MEI1: variants seen among roughly 807,000 people sequenced by gnomAD.
The protein encoded by MEI1 is meiosis inhibitor protein 1.
MEI1 carries 103 observed loss-of-function variants against 146.2 expected under a neutral mutation model. The ratio of observed to expected loss-of-function variants is 0.70; its 90% CI spans 0.60 to 0.83. MEI1 has a LOEUF of 0.83. Ranked by LOEUF, MEI1 falls within the 40% of genes least tolerant of loss-of-function variation. The pLI is 0.00. For synonymous variants in MEI1, 652 were observed against 628.2 expected, an observed-to-expected ratio of 1.04 and a Z score of -0.57; for missense variants, 1,529 against 1,533.0, an observed-to-expected ratio of 1.00 and a Z score of 0.04.
chr22:41,795,552 A>T lies in MEI1; in HGVS notation c.3666+10A>T, dbSNP rs750512590. ...TGGCTTCTTCCAGCAGGTGGGTGGG[A>T]AGGGGAGGCCATGCAGCCACTGTAA... On this transcript the variant is annotated intron_variant, in intron 29 of 30. Coordinates refer to ENST00000401548, the MANE Select transcript of MEI1 (RefSeq NM_152513.4). The surrounding 1 kb of genome is among the most constrained non-coding windows in gnomAD (Gnocchi z 4.2). 1 of 1,613,696 alleles carries T rather than the reference A, an allele frequency of 6.2e-7. No homozygotes were observed. Among genetic ancestry groups the T allele is most frequent in the East Asian group, 2.2e-5 (1 of 44,850 alleles).
At chr22:41,771,276 C>T (rs1443664967) in intron 20 of MEI1, among the ~76,000 whole-genome samples, 1 of 152,338 alleles carries the variant, frequency 6.6e-6, no homozygotes, top group African/African-American at 2.4e-5. Context: ...ATCTCTCAAG[C>T]AGATTCTGCT....
chr22:41,751,789 A>AG (rs1399449611), intron 15 of MEI1, among the ~76,000 whole-genome samples: 1 of 141,948 alleles, frequency 7.0e-6, no homozygotes, highest in South Asian at 2.2e-4. Flanking sequence ...AAAAAAAAAA[A>AG]GGCCAGGCGC....
At position 41,748,150 on chromosome 22, in the gene MEI1, T is replaced by C. The variant is rs2073472783; in HGVS notation, c.1724T>C (p.Phe575Ser). The C allele has an allele frequency of 1.9e-6, 3 of 1,613,972 alleles. No homozygotes were observed. ...ACCCACCCAGCTTTGATGGAAGTTTTCCTCTCAATTCTACATAACCTCTTT... is the reference window on the plus strand; with the variant it reads ...ACCCACCCAGCTTTGATGGAAGTTTCCCTCTCAATTCTACATAACCTCTTT... ...QTTHPALMEV[F>S]LSILHNLFVI... is the part of the protein sequence containing the mutation. Residue 575 changes from phenylalanine (F) to serine (S), a missense_variant, in exon 15 of 31, where the codon TTC becomes TCC. This residue lies in a region of MEI1 where 1,212 missense variants were observed against 1,178.9 expected (regional missense o/e 1.03). Transcript: ENST00000401548.
At chr22:41,798,225 G>A (rs1329364860) in intron 30 of MEI1, among the ~76,000 whole-genome samples, 1 of 147,190 alleles carries the variant, frequency 6.8e-6, no homozygotes, top group Admixed American at 6.7e-5. Context: ...ATGGCCAGGT[G>A]CACACACACA....
intron 3 of MEI1, among the ~76,000 whole-genome samples, chr22:41,705,894 G>T (rs1197854316): frequency 6.6e-6 from 1 of 151,870 alleles, no homozygotes; most frequent in East Asian, 1.9e-4. Context: ...TTTGAGTAGA[G>T]ACAGGGTTTC....
At chr22:41,707,087 C>A (rs2069151985) in intron 3 of MEI1, among the ~76,000 whole-genome samples, 1 of 151,352 alleles carries the variant, frequency 6.6e-6, no homozygotes, top group Non-Finnish European at 1.5e-5. Flanking sequence ...CCTGTAATCC[C>A]AGCTACTTGG....
At chr22:41,763,530 G>GATT (rs56875800) in intron 19 of MEI1, among the ~76,000 whole-genome samples, 126,330 of 151,478 alleles carry the variant, frequency 0.83, 53,641 homozygotes, top group African/African-American at 0.96. Context: ...GGGAGGAAGA[G>GATT]ATTATTTGCA....
At chr22:41,765,235 C>G (rs1602023846) in intron 19 of MEI1, among the ~76,000 whole-genome samples, 1 of 152,182 alleles carries the variant, frequency 6.6e-6, no homozygotes, top group Non-Finnish European at 1.5e-5. Context: ...AGGCTGGTCT[C>G]TAACTCCTGA....
chr22:41,796,290 C>T (rs988417253), intron 30 of MEI1, among the ~76,000 whole-genome samples: 3 of 151,694 alleles, frequency 2.0e-5, no homozygotes, highest in African/African-American at 7.3e-5. Flanking sequence ...CAGGCTCAAG[C>T]GATTCTCCTG....
At chr22:41,756,345 C>T (rs1005430675) in intron 17 of MEI1, among the ~76,000 whole-genome samples, 1 of 152,108 alleles carries the variant, frequency 6.6e-6, no homozygotes, top group African/African-American at 2.4e-5. Flanking sequence ...CCATGTTGGC[C>T]AGGCTGGTCT....
At chr22:41,735,498 GC>G (rs1213971616) in intron 11 of MEI1, among the ~76,000 whole-genome samples, 11 of 152,138 alleles carry the variant, frequency 7.2e-5, no homozygotes, top group Admixed American at 4.6e-4. Flanking sequence ...CTTCCAAAGT[GC>G]TGGGATTACA....
rs373870915 is a variant in MEI1 at position 41,753,280 on chromosome 22, G to T, written c.1853+629G>T. Reference sequence around the variant, plus strand: ...GCCTCCCAGAGTGCTGGGATTACAGGCGTGAGCCACCGTGGCTGGCCACAA... The same window carrying T: ...GCCTCCCAGAGTGCTGGGATTACAGTCGTGAGCCACCGTGGCTGGCCACAA... On this transcript the variant is annotated intron_variant, in intron 16 of 30. Transcript: ENST00000401548. 7.9e-5 allele frequency among the ~76,000 whole-genome samples: 12 copies of T among 152,168 alleles called. No homozygotes were observed. In the East Asian group the frequency reaches 2.1e-3, roughly 27 times the overall value.
At chr22:41,742,095 A>G (rs766945666) in intron 11 of MEI1, among the ~76,000 whole-genome samples, 1 of 151,928 alleles carries the variant, frequency 6.6e-6, no homozygotes, top group African/African-American at 2.4e-5. Context: ...TCTCATCTCT[A>G]CTAAAAGTAC....
Position 41,795,603 on chromosome 22 carries a change from C to T in MEI1, c.3666+61C>T. On this transcript the variant is annotated intron_variant, in intron 29 of 30. Coordinates refer to ENST00000401548, the MANE Select transcript of MEI1 (RefSeq NM_152513.4). The surrounding 1 kb of genome is among the most constrained non-coding windows in gnomAD (Gnocchi z 4.2). ...AGCTAGACCCTCAACACCATCTTCT[C>T]TTGGAGGGTGGGAGCTCTGGCCACA... is the stretch of plus-strand genomic sequence containing the variant. The T allele has an allele frequency of 1.2e-6, 2 of 1,607,322 alleles. No homozygotes were observed. The highest frequency in any genetic ancestry group is 1.7e-6 in the Non-Finnish European group (2 of 1,175,652).
At chr22:41,769,794 T>A (rs562232381) in intron 19 of MEI1, among the ~76,000 whole-genome samples, 1 of 151,534 alleles carries the variant, frequency 6.6e-6, no homozygotes, top group African/African-American at 2.4e-5. Context: ...ATTTGAACAT[T>A]GTTATGGGAA....
At chr22:41,771,675 C>T (rs773034426) in intron 20 of MEI1, among the ~76,000 whole-genome samples, 10 of 151,778 alleles carry the variant, frequency 6.6e-5, no homozygotes, top group Non-Finnish European at 1.2e-4. Flanking sequence ...TGGTGAAGTA[C>T]GTTACTGAAA....
chr22:41,777,719 C>T (rs1039480303), intron 21 of MEI1, among the ~76,000 whole-genome samples: 1 of 152,094 alleles, frequency 6.6e-6, no homozygotes, highest in African/African-American at 2.4e-5. Flanking sequence ...ATTTATTTCT[C>T]CCAGTTTTGG....
chr22:41,757,414 A>G (rs575176003), intron 17 of MEI1, among the ~76,000 whole-genome samples: 4 of 150,602 alleles, frequency 2.7e-5, no homozygotes, highest in East Asian at 2.0e-4. Flanking sequence ...CTGGAGTGCA[A>G]TGGTGCCATC....
chr22:41,778,711 C>T lies in MEI1; in HGVS notation c.2714C>T (p.Ser905Leu), dbSNP rs761020157. ...VEHGASPSGASGNLPLLLSLL... is the reference protein window; with the variant it reads ...VEHGASPSGALGNLPLLLSLL... ...CAGTCCTCCTTGTTCTTCACAGCCT[C>T]GGGGAACCTACCATTGCTGCTGAGC... Residue 905 changes from serine (S) to leucine (L), a missense_variant, in exon 22 of 31, where the codon TCG becomes TTG. Coordinates refer to ENST00000401548, the MANE Select transcript of MEI1 (RefSeq NM_152513.4). The T allele has an allele frequency of 1.2e-5, 19 of 1,599,868 alleles. No individual in the cohort carries two copies. The highest frequency in any genetic ancestry group is 6.9e-5 in the Admixed American group (4 of 57,862).
Sources: gnomAD v4.1 joint callset for allele counts (sites outside exome capture counted in the v4.1 genomes callset) on GRCh38, gnomAD v4.1.1 for gene constraint, gnomAD v4.1.1 regional missense constraint, Gnocchi (gnomAD v3.1) non-coding constraint, MANE v1.5 for transcripts, NCBI Gene and HGNC (gene_info 2026-07-23, HGNC 2026-07-21) for gene names.